CSMD3: variants seen among roughly 807,000 people sequenced by gnomAD.
CSMD3 encodes CUB and sushi domain-containing protein 3.
CSMD3 carries 177 observed loss-of-function variants against 435.2 expected under a neutral mutation model. That is an observed-to-expected ratio of 0.41 (90% CI 0.36 to 0.46). CSMD3 has a LOEUF of 0.46. Among genes scored for constraint, CSMD3 ranks in the 20% least tolerant of loss-of-function variants. The probability of loss-of-function intolerance (pLI) is 0.34; values close to 1 mark genes in which losing one functional copy is unlikely to be tolerated. For missense variants in CSMD3, 4,265 were observed against 4,504.6 expected (o/e 0.95, Z 1.52); for synonymous variants, 1,656 against 1,520.5 (o/e 1.09, Z -2.07).
At chr8:112,671,493 A>G (rs1462084538) in intron 16 of CSMD3, among the ~76,000 whole-genome samples, 3 of 152,046 alleles carry the variant, frequency 2.0e-5, no homozygotes, top group Non-Finnish European at 4.4e-5. Context: ...AGCTCACCCC[A>G]ATGCTTAAAA....
intron 4 of CSMD3, among the ~76,000 whole-genome samples, chr8:113,109,505 A>C (rs2131590823): frequency 6.6e-6 from 1 of 152,342 alleles, no homozygotes; most frequent in East Asian, 1.9e-4. Context: ...GGAAAGAAGA[A>C]AGGGGTAACA....
chr8:113,091,806 T>G (rs2090012812), intron 5 of CSMD3, among the ~76,000 whole-genome samples: 1 of 152,078 alleles, frequency 6.6e-6, no homozygotes, highest in South Asian at 2.1e-4. Context: ...TCTTTATTAT[T>G]GCTTTTCTAT....
At chr8:113,379,205 C>T (rs1012300326) in intron 1 of CSMD3, among the ~76,000 whole-genome samples, 3 of 151,898 alleles carry the variant, frequency 2.0e-5, no homozygotes, top group African/African-American at 7.3e-5. Flanking sequence ...TTTGGGTAAA[C>T]AAACCATGCT....
chr8:113,056,602 G>C (rs1016363124), intron 5 of CSMD3, among the ~76,000 whole-genome samples: 1 of 152,166 alleles, frequency 6.6e-6, no homozygotes, highest in African/African-American at 2.4e-5. Flanking sequence ...ACATTCAAGA[G>C]TCATCTTTGA....
At chr8:113,121,449 G>T (rs1416062453) in intron 4 of CSMD3, among the ~76,000 whole-genome samples, 1 of 152,064 alleles carries the variant, frequency 6.6e-6, no homozygotes, top group Non-Finnish European at 1.5e-5. Flanking sequence ...CTAATGAGGT[G>T]ATCACGTAAA....
intron 13 of CSMD3, among the ~76,000 whole-genome samples, chr8:112,763,258 A>G (rs1341168721): frequency 6.6e-6 from 1 of 151,618 alleles, no homozygotes; most frequent in Non-Finnish European, 1.5e-5. Flanking sequence ...TTGTGCATGT[A>G]ACAAATTTGA....
chr8:112,409,707 C>T (rs1358923676), intron 32 of CSMD3, among the ~76,000 whole-genome samples: 1 of 151,910 alleles, frequency 6.6e-6, no homozygotes, highest in Non-Finnish European at 1.5e-5. Context: ...GAAGTACATA[C>T]CAACAGAGCT....
chr8:113,378,943 A>G (rs2094402640), intron 1 of CSMD3, among the ~76,000 whole-genome samples: 1 of 152,194 alleles, frequency 6.6e-6, no homozygotes, highest in Admixed American at 6.5e-5. Context: ...AATGTTACAA[A>G]ATGAAATTGA....
At chr8:112,370,179 A>C (rs1828254187) in intron 38 of CSMD3, among the ~76,000 whole-genome samples, 1 of 152,196 alleles carries the variant, frequency 6.6e-6, no homozygotes, top group Non-Finnish European at 1.5e-5. Flanking sequence ...TCATCAGATA[A>C]ACATAATCAT....
chr8:112,547,567 C>A (rs1827293370), intron 27 of CSMD3, among the ~76,000 whole-genome samples: 1 of 151,764 alleles, frequency 6.6e-6, no homozygotes, highest in African/African-American at 2.4e-5. Flanking sequence ...AAAAAACAAC[C>A]AAAAAACTTC....
chr8:113,248,163 T>C (rs2093295519), intron 3 of CSMD3, among the ~76,000 whole-genome samples: 2 of 151,960 alleles, frequency 1.3e-5, no homozygotes, highest in Admixed American at 1.3e-4. Flanking sequence ...TTATGAGTGG[T>C]GATAATTTAA....
intron 1 of CSMD3, among the ~76,000 whole-genome samples, chr8:113,431,091 A>T (rs1030763939): frequency 2.0e-5 from 3 of 152,194 alleles, no homozygotes; most frequent in Non-Finnish European, 4.4e-5. Context: ...AAGGGGCCCA[A>T]TTCTGAGAAA....
chr8:113,107,556 G>T (rs2090516715), intron 4 of CSMD3, among the ~76,000 whole-genome samples: 1 of 152,166 alleles, frequency 6.6e-6, no homozygotes, highest in South Asian at 2.1e-4. Flanking sequence ...CTATACACAG[G>T]TTTCACATCC....
chr8:112,814,439 A>C (rs991355248), intron 12 of CSMD3, among the ~76,000 whole-genome samples: 1 of 152,100 alleles, frequency 6.6e-6, no homozygotes, highest in Non-Finnish European at 1.5e-5. Flanking sequence ...TTATGTAGAT[A>C]TAGGGAAAAG....
At chr8:113,373,019 G>A (rs1371957767) in intron 1 of CSMD3, among the ~76,000 whole-genome samples, 1 of 151,752 alleles carries the variant, frequency 6.6e-6, no homozygotes, top group African/African-American at 2.4e-5. Flanking sequence ...GTATTATGCT[G>A]TAAAATATAT....
chr8:112,826,070 G>C (rs1455082059), intron 12 of CSMD3, among the ~76,000 whole-genome samples: 1 of 152,178 alleles, frequency 6.6e-6, no homozygotes, highest in Non-Finnish European at 1.5e-5. Flanking sequence ...GCCCAACCCA[G>C]TGGGGAGGGA....
At chr8:112,633,752 T>C (rs929515570) in intron 22 of CSMD3, among the ~76,000 whole-genome samples, 29 of 152,060 alleles carry the variant, frequency 1.9e-4, no homozygotes, top group African/African-American at 4.8e-5. Flanking sequence ...AAATAAAATG[T>C]AAAGTAAGTT....
rs2131301722 is a variant in CSMD3 at position 113,044,803 on chromosome 8, T to C, written c.918-25624A>G. Among the ~76,000 whole-genome samples the C allele has an allele frequency of 1.3e-5, 2 of 149,354 alleles. 1 individual carries two copies. Among genetic ancestry groups the C allele is most frequent in the South Asian group, 4.2e-4 (2 of 4,730 alleles). ...AAATATCCTTTGCATTTTATTGTTCTGTAATTTTGTTTATGCTGTTATTTC... is the reference window on the plus strand; with the variant it reads ...AAATATCCTTTGCATTTTATTGTTCCGTAATTTTGTTTATGCTGTTATTTC... On this transcript the variant is annotated intron_variant, in intron 5 of 70. Coordinates refer to ENST00000297405, the MANE Select transcript of CSMD3 (RefSeq NM_198123.2).
chr8:113,307,195 A>G (rs984369289), intron 2 of CSMD3, among the ~76,000 whole-genome samples: 1 of 152,100 alleles, frequency 6.6e-6, no homozygotes, highest in Admixed American at 6.6e-5. Context: ...TCTGGAAAAA[A>G]CTTAGTTTAT....
Sources: gnomAD v4.1 joint callset for allele counts (sites outside exome capture counted in the v4.1 genomes callset) on GRCh38, gnomAD v4.1.1 for gene constraint, MANE v1.5 for transcripts, NCBI Gene and HGNC (gene_info 2026-07-23, HGNC 2026-07-21) for gene names.